MTR: variants seen among roughly 807,000 people sequenced by gnomAD.
MTR encodes the protein methionine synthase.
In MTR, 84 loss-of-function variants were observed where a neutral mutation model predicts 154.8. The observed-to-expected ratio is 0.54, with a 90% CI of 0.45 to 0.65. The LOEUF is 0.65. MTR is among the 30% of genes least tolerant of loss of function. The pLI is 0.00. For synonymous variants in MTR, 554 were observed against 553.9 expected (o/e 1.00, Z 0.00); for missense variants, 1,275 against 1,570.2 (o/e 0.81, Z 3.18).
chr1:236,862,458 A>T (rs1375558610), intron 21 of MTR, 115 bp downstream of exon 21: 17 of 799,238 alleles, frequency 2.1e-5, no homozygotes, highest in Non-Finnish European at 3.7e-5. Context: ...AGGATAAAAT[A>T]GAGAAATGAT....
chr1:236,877,993 A>T (rs1295199750), intron 24 of MTR, among the ~76,000 whole-genome samples: 2 of 152,186 alleles, frequency 1.3e-5, no homozygotes, highest in African/African-American at 4.8e-5. Flanking sequence ...CCATTTGGAT[A>T]TGCTTTTTAA....
At chr1:236,811,535 T>C (rs989934874) in intron 5 of MTR, 5 of 452,562 alleles carry the variant, frequency 1.1e-5, no homozygotes, top group African/African-American at 8.0e-5. Context: ...CAAGCAAATA[T>C]GGTTTGTAGG....
intron 1 of MTR, among the ~76,000 whole-genome samples, chr1:236,800,920 T>TCC (rs941753307): frequency 1.3e-5 from 2 of 152,144 alleles, no homozygotes; most frequent in African/African-American, 4.8e-5. Flanking sequence ...TTGTCTAAAA[T>TCC]CCCATAGCTA....
At chr1:236,887,069 C>A (rs78958622) in intron 27 of MTR, among the ~76,000 whole-genome samples, 1 of 152,074 alleles carries the variant, frequency 6.6e-6, no homozygotes, top group Non-Finnish European at 1.5e-5. Context: ...TTTTGACAGG[C>A]GCAGAGAGGC....
chr1:236,796,055 C>A (rs1660367251), intron 1 of MTR, among the ~76,000 whole-genome samples: 1 of 152,162 alleles, frequency 6.6e-6, no homozygotes, highest in Non-Finnish European at 1.5e-5. Context: ...ACCAGCTGGG[C>A]CCTCTGGAAG....
At chr1:236,875,836 T>C (rs534542358) in intron 24 of MTR, among the ~76,000 whole-genome samples, 3 of 151,894 alleles carry the variant, frequency 2.0e-5, no homozygotes, top group African/African-American at 7.2e-5. Context: ...TGTTTATATA[T>C]AGAGAGAAAG....
chr1:236,803,301 T>C lies in MTR; in HGVS notation c.35-127T>C, dbSNP rs761347773. 325 of 928,792 alleles carry C rather than the reference T, an allele frequency of 3.5e-4. 1 individual carries two copies. Among genetic ancestry groups the C allele is most frequent in the Non-Finnish European group, 5.2e-4 (306 of 587,594 alleles). 57.5% of individuals were successfully genotyped at this position (928,792 alleles called of 1,614,324 possible). On this transcript the variant is annotated intron_variant, in intron 1 of 32. Coordinates refer to ENST00000366577, the MANE Select transcript of MTR (RefSeq NM_000254.3). Reference sequence around the variant, plus strand: ...GGCAGCGTTTTCCTATATAGAGTTATGAGTGCATCTTTTATAAACTCCATT... The same window carrying C: ...GGCAGCGTTTTCCTATATAGAGTTACGAGTGCATCTTTTATAAACTCCATT...
intron 1 of MTR, among the ~76,000 whole-genome samples, chr1:236,797,498 A>G (rs57111119): frequency 0.086 from 13,054 of 152,174 alleles, 1,257 homozygotes; most frequent in African/African-American, 0.23. Flanking sequence ...TTGATGAGTG[A>G]TTAATGAAGG....
At chr1:236,820,816 T>C (rs1380699894) in intron 8 of MTR, among the ~76,000 whole-genome samples, 1 of 152,174 alleles carries the variant, frequency 6.6e-6, no homozygotes, top group Admixed American at 6.5e-5. Context: ...CAACATTTGT[T>C]TGGTGGTGTC....
At chr1:236,865,884 T>G (rs1664796942) in intron 22 of MTR, among the ~76,000 whole-genome samples, 1 of 152,168 alleles carries the variant, frequency 6.6e-6, no homozygotes, top group Non-Finnish European at 1.5e-5. Flanking sequence ...ACCCTGCCTG[T>G]TATTGTATTT....
intron 12 of MTR, among the ~76,000 whole-genome samples, chr1:236,831,592 G>GC (rs1662615683): frequency 6.6e-6 from 1 of 152,222 alleles, no homozygotes; most frequent in South Asian, 2.1e-4. Flanking sequence ...CAGCTGTGGA[G>GC]CACCCCTCTT....
At chr1:236,820,809 C>T (rs964402753) in intron 8 of MTR, among the ~76,000 whole-genome samples, 3 of 152,160 alleles carry the variant, frequency 2.0e-5, no homozygotes, top group African/African-American at 7.2e-5. Flanking sequence ...TCCTTCCCAA[C>T]ATTTGTTTGG....
Position 236,810,547 on chromosome 1 carries a change from A to G in MTR, c.454A>G (p.Thr152Ala). The change falls in exon 5 of 33, where the codon ACA becomes GCA. Residue 152 changes from threonine (T) to alanine (A), a missense_variant. Transcript: ENST00000366577. ...VAGALGPTNK[T>A]LSVSPSVERP... ...AGGGGCTCTGGGTCCGACTAATAAG[A>G]CACTCTCTGTGTCCCCATCTGTGGA... is the stretch of plus-strand genomic sequence containing the variant. 4 of 1,613,902 alleles carry G rather than the reference A, an allele frequency of 2.5e-6. No homozygotes were observed. Among genetic ancestry groups the G allele is most frequent in the South Asian group, 2.2e-5 (2 of 91,084 alleles).
chr1:236,825,741 C>T (rs905824838), intron 10 of MTR, among the ~76,000 whole-genome samples: 10 of 152,118 alleles, frequency 6.6e-5, no homozygotes, highest in Non-Finnish European at 1.2e-4. Context: ...GAGTAGATGT[C>T]CCCCTGGCCG....
At chr1:236,894,707 C>T (rs561888358) in intron 30 of MTR, 150 bp downstream of exon 30, 142 of 720,370 alleles carry the variant, frequency 2.0e-4, no homozygotes, top group Admixed American at 3.8e-4. Flanking sequence ...TAACATTATA[C>T]GTATTTTAAT....
chr1:236,837,293 G>A (rs577999909), intron 14 of MTR, among the ~76,000 whole-genome samples: 1 of 152,192 alleles, frequency 6.6e-6, no homozygotes, highest in African/African-American at 2.4e-5. Flanking sequence ...CTCGTTTGGT[G>A]GCGTGGCTTA....
intron 18 of MTR, among the ~76,000 whole-genome samples, chr1:236,854,310 T>G (rs1664078316): frequency 6.6e-6 from 1 of 152,234 alleles, no homozygotes; most frequent in Non-Finnish European, 1.5e-5. Flanking sequence ...TCTCAGTTCC[T>G]TAAAAACATT....
chr1:236,817,768 T>C (rs375854768), intron 8 of MTR, among the ~76,000 whole-genome samples: 2 of 152,344 alleles, frequency 1.3e-5, no homozygotes, highest in African/African-American at 4.8e-5. Flanking sequence ...TGACTTAATG[T>C]CATATTGTGA....
chr1:236,846,332 G>A (rs1324601933), intron 15 of MTR, among the ~76,000 whole-genome samples: 1 of 151,964 alleles, frequency 6.6e-6, no homozygotes, highest in Admixed American at 6.6e-5. Context: ...AAATGACTTT[G>A]TATGACAATT....
Sources: allele counts gnomAD v4.1 joint callset (sites outside exome capture counted in the v4.1 genomes callset), GRCh38; gene constraint gnomAD v4.1.1; transcripts MANE v1.5; gene names NCBI Gene and HGNC (gene_info 2026-07-23, HGNC 2026-07-21).